MUC4: variants seen among roughly 807,000 people sequenced by gnomAD.
The protein encoded by MUC4 is mucin-4.
A neutral mutation model predicts 257.9 loss-of-function variants in MUC4; 202 were observed. That is an observed-to-expected ratio of 0.78 (90% confidence interval 0.70 to 0.88). MUC4 has a LOEUF of 0.88. MUC4 is among the 40% of genes least tolerant of loss of function. MUC4 has a pLI of 0.00. For missense variants in MUC4, 5,976 were observed against 6,513.7 expected, an observed-to-expected ratio of 0.92 and a Z score of 2.84; for synonymous variants, 2,351 against 2,757.1, an observed-to-expected ratio of 0.85 and a Z score of 4.62.
chr3:195,799,145 C>T (rs1734960211), intron 1 of MUC4, among the ~76,000 whole-genome samples: 1 of 152,110 alleles, frequency 6.6e-6, no homozygotes, highest in Non-Finnish European at 1.5e-5. Context: ...GTCATGTGGA[C>T]TCCACTGCTC....
Position 195,781,256 on chromosome 3 carries a change from G to A in MUC4, c.10324C>T (p.Pro3442Ser), listed in dbSNP as rs1020276587. 14 of 1,466,740 alleles carry A rather than the reference G, an allele frequency of 9.5e-6. 1 individual carries two copies. Among genetic ancestry groups the A allele is most frequent in the African/African-American group, 1.5e-5 (1 of 66,298 alleles). 90.9% of individuals were successfully genotyped at this position (1,466,740 alleles called of 1,614,324 possible). A position where few individuals can be genotyped will look rare whatever the true frequency, so the allele number is the denominator to read the frequency against. Residue 3442 changes from proline (P) to serine (S), a missense_variant, in exon 2 of 25, where the codon CCT becomes TCT. Pro to Ser is a moderately conservative substitution (Grantham distance 74, BLOSUM62 -1). This residue lies in a region of MUC4 where 297 missense variants were observed against 240.9 expected (regional missense o/e 1.23). Transcript: ENST00000463781. ...GATGCTGAGGAAGTGCTGGTGACAG[G>A]AACAGGGGTGGCGTGACCGGTGGAT... The part of the protein sequence containing the change: ...SASTGHATPV[P>S]VTSTSSASTG...
intron 5 of MUC4, chr3:195,770,650 G>A: frequency 1.9e-6 from 1 of 529,352 alleles, no homozygotes; most frequent in South Asian, 2.1e-5. Flanking sequence ...CTGGCCCAGA[G>A]AGCAGAGCCA....
At chr3:195,807,824 C>G (rs1578501797) in intron 1 of MUC4, among the ~76,000 whole-genome samples, 1 of 152,388 alleles carries the variant, frequency 6.6e-6, no homozygotes, top group East Asian at 1.9e-4. Context: ...TTCTTGTCCT[C>G]TCATTGCCTC....
chr3:195,758,724 GGC>G, intron 17 of MUC4, among the ~76,000 whole-genome samples: 1 of 93,080 alleles, frequency 1.1e-5, no homozygotes, highest in South Asian at 3.6e-4. Flanking sequence ...CACCATGCCT[GGC>G]TTTTTTTTTT....
At position 195,791,145 on chromosome 3, in the gene MUC4, G is replaced by A; in HGVS notation, c.435C>T (p.Asp145=). 6.2e-7 allele frequency: 1 copy of A among 1,613,964 alleles called. No homozygotes were observed. The highest frequency in any genetic ancestry group is 8.5e-7 in the Non-Finnish European group (1 of 1,179,886). The change falls in exon 2 of 25, where the codon GAC becomes GAT. Residue 145 remains aspartate (D), a synonymous_variant. Coordinates refer to ENST00000463781, the MANE Select transcript of MUC4 (RefSeq NM_018406.7). Reference sequence around the variant, plus strand: ...TCTCTTCTGTGTTTCCAAGAGTGGAGTCTGTGGAGGTTGTCATTGTTATAG... The same window carrying A: ...TCTCTTCTGTGTTTCCAAGAGTGGAATCTGTGGAGGTTGTCATTGTTATAG... The part of the protein sequence containing the change: ...SKTITMTTST[D]STLGNTEETS...
At chr3:195,760,642 G>C (rs1162189234) in intron 16 of MUC4, among the ~76,000 whole-genome samples, 1 of 107,786 alleles carries the variant, frequency 9.3e-6, no homozygotes, top group South Asian at 2.6e-4. Context: ...AGGATGGACG[G>C]AGGGGGCTGG....
At chr3:195,747,513 G>A in intron 24 of MUC4, 133 bp from the exon 25 acceptor site, 1 of 1,091,084 alleles carries the variant, frequency 9.2e-7, no homozygotes, top group Non-Finnish European at 1.3e-6. Context: ...GACTGAGTCA[G>A]CCCTGAGGCC....
rs749363421 is a variant in MUC4 at position 195,762,106 on chromosome 3, G to A, written c.14493C>T (p.Asn4831=). 3 of 1,604,256 alleles carry A rather than the reference G, an allele frequency of 1.9e-6. No individual in the cohort carries two copies. The highest frequency in any genetic ancestry group is 2.2e-5 in the South Asian group (2 of 89,634). Residue 4831 remains asparagine (N), a synonymous_variant, in exon 14 of 25, where the codon AAC becomes AAT. Coordinates refer to ENST00000463781, the MANE Select transcript of MUC4 (RefSeq NM_018406.7). The part of the protein sequence containing the change: ...ASASLPPEYQ[N]RTEGLLGVWN... ...CCTCACCCAGGAGCCCCTCCGTGCGGTTCTGGTACTCGGGCGGGAGGCTGG... is the reference window on the plus strand; with the variant it reads ...CCTCACCCAGGAGCCCCTCCGTGCGATTCTGGTACTCGGGCGGGAGGCTGG...
intron 8 of MUC4, 93 bp from the exon 9 acceptor site, chr3:195,765,542 C>A: frequency 8.1e-7 from 1 of 1,238,538 alleles, no homozygotes; most frequent in Admixed American, 2.5e-5. Flanking sequence ...CACAAATGCA[C>A]CCCCTCCTGC....
rs760160541 is a variant in MUC4 at position 195,778,770 on chromosome 3, G to C, written c.12790+20C>G. 1 of 1,594,212 alleles carries C rather than the reference G, an allele frequency of 6.3e-7. No homozygotes were observed. The highest frequency in any genetic ancestry group is 1.7e-4 in the Middle Eastern group (1 of 5,956). On this transcript the variant is annotated intron_variant, in intron 2 of 24. Coordinates refer to ENST00000463781, the MANE Select transcript of MUC4 (RefSeq NM_018406.7). ...AAGGGGCCCACTGGGAGACATAAAG[G>C]CGAGGCAGTTGGCAGCTACCTGGTG...
chr3:195,763,306 G>A, intron 12 of MUC4, 127 bp downstream of exon 12: 1 of 950,630 alleles, frequency 1.1e-6, no homozygotes, highest in Non-Finnish European at 1.5e-6. Context: ...TGCGTGGATG[G>A]GCTGTGTCCT....
At position 195,784,264 on chromosome 3, in the gene MUC4, G is replaced by A; in HGVS notation, c.7316C>T (p.Ser2439Phe). The part of the protein sequence containing the change: ...DTTRLPVTNV[S>F]SASTGHATPL... ...GGTGGCATGACCTGTGGATGCCGAGGAAACGTTGGTGACAGGAAGACGGGT... is the reference window on the plus strand; with the variant it reads ...GGTGGCATGACCTGTGGATGCCGAGAAAACGTTGGTGACAGGAAGACGGGT... The change falls in exon 2 of 25, where the codon TCC (serine) becomes TTC (phenylalanine). Residue 2439 changes from serine to phenylalanine, a missense_variant. Transcript: ENST00000463781. 1 of 1,376,390 alleles carries A rather than the reference G, an allele frequency of 7.3e-7. No individual in the cohort carries two copies. Among genetic ancestry groups the A allele is most frequent in the South Asian group, 1.3e-5 (1 of 77,674 alleles). The allele number at this position is 1,376,390 out of a possible 1,614,324, so 85.3% of individuals were successfully genotyped here.
chr3:195,788,700 T>C lies in MUC4; in HGVS notation c.2880A>G (p.Ser960=). Residue 960 remains serine, a synonymous_variant, in exon 2 of 25, where the codon TCA becomes TCG. Transcript: ENST00000463781. ...CCGTGGTGAAGGTTTTACCAGACCC[T>C]GAAGGTGACAGAGTGTGGGTCTCGG... ...PQTETHTLSP[S]GSGKTFTTAL... is the part of the protein sequence containing the mutation. 6.2e-7 allele frequency: 1 copy of C among 1,609,176 alleles called. No individual in the cohort carries two copies. Among genetic ancestry groups the C allele is most frequent in the Non-Finnish European group, 8.5e-7 (1 of 1,179,624 alleles).
At chr3:195,803,726 A>G (rs1351281591) in intron 1 of MUC4, among the ~76,000 whole-genome samples, 1 of 152,228 alleles carries the variant, frequency 6.6e-6, no homozygotes, top group African/African-American at 2.4e-5. Context: ...GTGATATTAT[A>G]TGCCTTGGAA....
intron 21 of MUC4, 62 bp downstream of exon 21, chr3:195,752,311 C>T: frequency 2.8e-6 from 4 of 1,418,518 alleles, no homozygotes; most frequent in Non-Finnish European, 3.0e-6. Context: ...AGCGATGGTT[C>T]CGCCCTGGCC....
chr3:195,759,208 G>C lies in MUC4; in HGVS notation c.14902C>G (p.Gln4968Glu), dbSNP rs201135371. 6.2e-7 allele frequency: 1 copy of C among 1,614,032 alleles called. No individual in the cohort carries two copies. The highest frequency in any genetic ancestry group is 2.2e-5 in the East Asian group (1 of 44,878). The stretch of plus-strand genomic sequence containing the variant: ...CTGGTGTACTGAATCAGCGTGGTCT[G>C]CCCCTTGTAGGCTTCAATCACACGA... ...GGRVIEAYKG[Q>E]TTLIQYTSNA... Residue 4968 changes from glutamine to glutamate, a missense_variant, in exon 17 of 25, where the codon CAG becomes GAG. By Grantham distance (29) the Gln-to-Glu change is conservative. Coordinates refer to ENST00000463781, the MANE Select transcript of MUC4 (RefSeq NM_018406.7).
chr3:195,750,904 G>A lies in MUC4; in HGVS notation c.15856C>T (p.Arg5286Cys), dbSNP rs200034388. ...ACGGACTCACGGGCTGTCACATCGCGCACGTCTTCCCCGGAGATGGGCTGG... is the reference window on the plus strand; with the variant it reads ...ACGGACTCACGGGCTGTCACATCGCACACGTCTTCCCCGGAGATGGGCTGG... ...VFQPISGEDV[R>C]DVTALNVSTL... The change falls in exon 23 of 25, where the codon CGC becomes TGC. Residue 5286 changes from arginine to cysteine, a missense_variant. By Grantham distance (180) the Arg-to-Cys change is radical. Transcript: ENST00000463781. 1.7e-5 allele frequency: 28 copies of A among 1,613,504 alleles called. 1 individual carries two copies. Among genetic ancestry groups the A allele is most frequent in the South Asian group, 1.6e-4 (15 of 91,020 alleles).
chr3:195,753,165 G>A lies in MUC4; in HGVS notation c.15394C>T (p.His5132Tyr), dbSNP rs1716820724. The change falls in exon 20 of 25, where the codon CAC becomes TAC. Residue 5132 changes from histidine (H) to tyrosine (Y), a missense_variant. His to Tyr is a moderately conservative substitution (Grantham distance 83). Transcript: ENST00000463781. ...CCCAGAGTCTGGGAGATGTAGCAGT[G>A]GCCTTGATTGTAGCAGTAATTCACA... Reference protein sequence around the residue: ...CPVNYCYNQGHCYISQTLGCQ... With the variant: ...CPVNYCYNQGYCYISQTLGCQ... The A allele has an allele frequency of 3.1e-6, 5 of 1,613,692 alleles. No individual in the cohort carries two copies. The highest frequency in any genetic ancestry group is 1.7e-6 in the Non-Finnish European group (2 of 1,179,836).
rs62282512 is a variant in MUC4 at position 195,810,244 on chromosome 3, A to G, written c.82+1492T>C. ...GCATGGCTTCTCTTGCAGCCTTTAA[A>G]CGGCACTCGCCTTCTGACTCACTCC... On this transcript the variant is annotated intron_variant, in intron 1 of 24. Coordinates refer to ENST00000463781, the MANE Select transcript of MUC4 (RefSeq NM_018406.7). The surrounding 1 kb of genome is among the most constrained non-coding windows in gnomAD (Gnocchi z 4.2). 25,551 of 152,166 alleles carry G rather than the reference A, an allele frequency of 0.17. 2,304 individuals carry two copies. The highest frequency in any genetic ancestry group is 0.2 in the Non-Finnish European group (13,942 of 68,056). 9.4% of individuals were successfully genotyped at this position (152,166 alleles called of 1,614,324 possible).
Sources: gnomAD v4.1 joint callset for allele counts (sites outside exome capture counted in the v4.1 genomes callset) on GRCh38, gnomAD v4.1.1 for gene constraint, gnomAD v4.1.1 regional missense constraint, Gnocchi (gnomAD v3.1) non-coding constraint, MANE v1.5 for transcripts, NCBI Gene and HGNC (gene_info 2026-07-23, HGNC 2026-07-21) for gene names.